The following FOCAD variants were observed in gnomAD, a reference collection of about 807,000 sequenced individuals.
The protein encoded by FOCAD is focadhesin, also known as KIAA1797.
A neutral mutation model predicts 225.6 loss-of-function variants in FOCAD; 198 were observed. The ratio of observed to expected loss-of-function variants is 0.88; its 90% CI spans 0.78 to 0.99. The LOEUF (loss-of-function observed/expected upper bound fraction) is 0.99. Ranked by LOEUF, FOCAD falls within the 50% of genes least tolerant of loss-of-function variation. The probability of loss-of-function intolerance (pLI) is 0.00; values close to 1 mark genes in which losing one functional copy is unlikely to be tolerated. For synonymous variants in FOCAD, 897 were observed against 755.0 expected (o/e 1.19, Z -3.08); for missense variants, 2,713 against 2,123.6 (o/e 1.28, Z -5.46).
In FOCAD at chr9:20,945,421, T is replaced by TTC. The variant is rs557034741; in HGVS notation, c.3555+656_3555+657dup. ...GGTATGACCTCGTGGCCTGGCCTGATTCTCTCTCTCATTAGAACAGATTCT... is the reference window on the plus strand; with the variant it reads ...GGTATGACCTCGTGGCCTGGCCTGATTCTCTCTCTCTCATTAGAACAGATTCT... On this transcript the variant is annotated intron_variant, in intron 29 of 43. Coordinates refer to ENST00000338382, the MANE Select transcript of FOCAD (RefSeq NM_001375567.1). Among the ~76,000 whole-genome samples, 535 of 152,316 alleles carry TTC rather than the reference T, an allele frequency of 3.5e-3. 3 individuals are homozygous for TTC. The highest frequency in any genetic ancestry group is 0.012 in the African/African-American group (512 of 41,558).
chr9:20,841,315 A>G (rs1826501572), intron 15 of FOCAD, among the ~76,000 whole-genome samples: 1 of 151,740 alleles, frequency 6.6e-6, no homozygotes, highest in South Asian at 2.1e-4. Context: ...TAGTTCTTCT[A>G]TAAATGTTTA....
At position 20,990,513 on chromosome 9, in the gene FOCAD, G is replaced by C. The variant is rs544141187; in HGVS notation, c.5256+139G>C. On this transcript the variant is annotated intron_variant, in intron 42 of 43. Transcript: ENST00000338382. ...CCTACCCAGCCCCATATCTCAGCCA[G>C]ATGCAGAGTCTCAGAGATTGAGGCT... is the stretch of plus-strand genomic sequence containing the variant. 365 of 1,073,554 alleles carry C rather than the reference G, an allele frequency of 3.4e-4. No individual in the cohort carries two copies. The African/African-American group carries it at 5.3e-3, about 16-fold the overall frequency. The allele number at this position is 1,073,554 out of a possible 1,614,324, so 66.5% of individuals were successfully genotyped here.
intron 15 of FOCAD, among the ~76,000 whole-genome samples, chr9:20,849,993 C>G (rs1200841212): frequency 6.6e-6 from 1 of 151,794 alleles, no homozygotes. Context: ...TCTACTGAGA[C>G]CACACCATTT....
chr9:20,755,394 A>G (rs1828957056), intron 5 of FOCAD, among the ~76,000 whole-genome samples: 1 of 152,240 alleles, frequency 6.6e-6, no homozygotes, highest in Non-Finnish European at 1.5e-5. Flanking sequence ...CTCCCTCGGT[A>G]TGCATAAATG....
At chr9:20,792,785 G>A (rs533020783) in intron 11 of FOCAD, among the ~76,000 whole-genome samples, 1 of 152,200 alleles carries the variant, frequency 6.6e-6, no homozygotes, top group South Asian at 2.1e-4. Flanking sequence ...AATCACTTAT[G>A]TGACTAGGTT....
At chr9:20,881,270 T>G (rs1830644438) in intron 19 of FOCAD, among the ~76,000 whole-genome samples, 1 of 152,122 alleles carries the variant, frequency 6.6e-6, no homozygotes, top group South Asian at 2.1e-4. Flanking sequence ...TTTTGAGGAA[T>G]GGAAAGAGGC....
chr9:20,701,268 C>T (rs1180862372), intron 1 of FOCAD, among the ~76,000 whole-genome samples: 1 of 152,194 alleles, frequency 6.6e-6, no homozygotes, highest in African/African-American at 2.4e-5. Context: ...TGCTTCTGGA[C>T]ATTTCTTCCT....
At chr9:20,837,282 C>G (rs1225487802) in intron 15 of FOCAD, among the ~76,000 whole-genome samples, 1 of 151,986 alleles carries the variant, frequency 6.6e-6, no homozygotes, top group Non-Finnish European at 1.5e-5. Context: ...GAAGGCTGTT[C>G]AGGGTGTCCA....
chr9:20,950,086 T>G (rs1015951195), intron 33 of FOCAD, among the ~76,000 whole-genome samples: 2 of 151,996 alleles, frequency 1.3e-5, no homozygotes, highest in Admixed American at 1.3e-4. Flanking sequence ...TATCCTTGAC[T>G]AAAGAATAGA....
intron 1 of FOCAD, among the ~76,000 whole-genome samples, chr9:20,706,992 A>C (rs1428197244): frequency 6.6e-6 from 1 of 152,200 alleles, no homozygotes; most frequent in Non-Finnish European, 1.5e-5. Flanking sequence ...TGGAAATGGC[A>C]TGTCACTTTT....
At chr9:20,754,546 A>G (rs1828868162) in intron 5 of FOCAD, among the ~76,000 whole-genome samples, 1 of 143,680 alleles carries the variant, frequency 7.0e-6, no homozygotes, top group African/African-American at 2.6e-5. Flanking sequence ...CTGGAAGCAT[A>G]GTGTTTTTTT....
intron 33 of FOCAD, among the ~76,000 whole-genome samples, chr9:20,950,315 A>G (rs1837576618): frequency 6.6e-6 from 1 of 152,108 alleles, no homozygotes; most frequent in South Asian, 2.1e-4. Flanking sequence ...ATAGAACTTT[A>G]TATTTTATTC....
Position 20,776,106 on chromosome 9 carries a change from T to C in FOCAD, c.907-2575T>C, listed in dbSNP as rs142630226. Among the ~76,000 whole-genome samples, 10 of 152,216 alleles carry C rather than the reference T, an allele frequency of 6.6e-5. No individual in the cohort carries two copies. In the East Asian group the frequency reaches 1.9e-3, roughly 29 times the overall value. On this transcript the variant is annotated intron_variant, in intron 8 of 43. Coordinates refer to ENST00000338382, the MANE Select transcript of FOCAD (RefSeq NM_001375567.1). ...GAAGGTGGGAGAGGCAATACAGGCA[T>C]CATCAAGTAGGCTACTGCTACTAGT...
At chr9:20,753,126 C>T (rs1216940874) in intron 5 of FOCAD, among the ~76,000 whole-genome samples, 2 of 152,152 alleles carry the variant, frequency 1.3e-5, no homozygotes, top group Non-Finnish European at 2.9e-5. Flanking sequence ...TTGACTTCCT[C>T]TTTTCCTAAC....
Position 20,948,340 on chromosome 9 carries a change from G to A in FOCAD, c.3745G>A (p.Glu1249Lys). 1 of 1,612,672 alleles carries A rather than the reference G, an allele frequency of 6.2e-7. No individual in the cohort carries two copies. Among genetic ancestry groups the A allele is most frequent in the Non-Finnish European group, 8.5e-7 (1 of 1,179,056 alleles). ...GLSVCGHGKA[E>K]DLGSKLLPAW... The stretch of plus-strand genomic sequence containing the variant: ...GTCTGTGTGTGGACATGGAAAAGCT[G>A]AAGACTTGGGCAGCAAACTACTCCC... Residue 1249 changes from glutamate (E) to lysine (K), a missense_variant, in exon 31 of 44, where the codon GAA (glutamate) becomes AAA (lysine). Physicochemically the swap from Glu to Lys is moderately conservative, Grantham distance 56. Coordinates refer to ENST00000338382, the MANE Select transcript of FOCAD (RefSeq NM_001375567.1).
At chr9:20,972,570 AGTT>A (rs768817909) in intron 35 of FOCAD, among the ~76,000 whole-genome samples, 10 of 150,122 alleles carry the variant, frequency 6.7e-5, no homozygotes, top group Admixed American at 2.6e-4. Context: ...TTCAGTTTCT[AGTT>A]GTTCTGCTTT....
chr9:20,973,103 T>C (rs1839906484), intron 35 of FOCAD, among the ~76,000 whole-genome samples: 1 of 151,988 alleles, frequency 6.6e-6, no homozygotes, highest in African/African-American at 2.4e-5. Flanking sequence ...TGCCTTGTTC[T>C]GATTCCCTCT....
intron 1 of FOCAD, among the ~76,000 whole-genome samples, chr9:20,703,033 C>G (rs949568883): frequency 6.6e-6 from 1 of 152,046 alleles, no homozygotes; most frequent in Non-Finnish European, 1.5e-5. Context: ...AAAACGGTCC[C>G]TGCCTTAAAG....
At chr9:20,686,681 G>A (rs1427016533) in intron 1 of FOCAD, among the ~76,000 whole-genome samples, 4 of 152,156 alleles carry the variant, frequency 2.6e-5, no homozygotes, top group Admixed American at 2.0e-4. Flanking sequence ...TTGATCAAGT[G>A]GGTAGTAAGT....
Sources: gnomAD v4.1 joint callset for allele counts (sites outside exome capture counted in the v4.1 genomes callset) on GRCh38, gnomAD v4.1.1 for gene constraint, MANE v1.5 for transcripts, NCBI Gene and HGNC (gene_info 2026-07-23, HGNC 2026-07-21) for gene names.